The following BRWD3 variants were observed in gnomAD, a reference collection of about 807,000 sequenced individuals.
The protein encoded by BRWD3 is bromodomain and WD repeat-containing protein 3.
In BRWD3, 10 loss-of-function variants were observed where a neutral mutation model predicts 149.7. That is an observed-to-expected ratio of 0.07 (90% CI 0.04 to 0.11). BRWD3 has a LOEUF of 0.11. Ranked by LOEUF, BRWD3 falls within the 10% of genes least tolerant of loss-of-function variation. The pLI is 1.00. For synonymous variants in BRWD3, 504 were observed against 456.7 expected, an observed-to-expected ratio of 1.10 and a Z score of -1.32; for missense variants, 940 against 1,373.2, an observed-to-expected ratio of 0.68 and a Z score of 4.99.
chrX:80,722,735 G>C lies in BRWD3; in HGVS notation c.1703C>G (p.Ala568Gly). 1 of 1,210,736 alleles carries C rather than the reference G, an allele frequency of 8.3e-7. No homozygotes were observed. Among genetic ancestry groups the C allele is most frequent in the Non-Finnish European group, 1.1e-6 (1 of 894,727 alleles). Residue 568 changes from alanine to glycine, a missense_variant, in exon 17 of 41, where the codon GCC becomes GGC. Ala to Gly is a moderately conservative substitution (Grantham distance 60). This residue lies in a region of BRWD3 where 209 missense variants were observed against 396.8 expected (regional missense o/e 0.53). Transcript: ENST00000373275. The stretch of plus-strand genomic sequence containing the variant: ...TTGTTCATCCAATACATAGTTATTG[G>C]CATCACGAATAAGAGGACGATAATC... ...HTDYRPLIRD[A>G]NNYVLDEQTQ...
At chrX:80,714,854 G>A (rs1425724429) in intron 20 of BRWD3, among the ~76,000 whole-genome samples, 1 of 112,036 alleles carries the variant, frequency 8.9e-6, no homozygotes, top group Non-Finnish European at 1.9e-5. Flanking sequence ...GAGTAACTAT[G>A]GATAACTTAC....
In BRWD3 at chrX:80,763,488, TAAG is replaced by T. The variant is rs1235360112; in HGVS notation, c.431-17762_431-17760del. On this transcript the variant is annotated intron_variant, in intron 6 of 40. Coordinates refer to ENST00000373275, the MANE Select transcript of BRWD3 (RefSeq NM_153252.5). ...AACAAAAGTGGGATAGAATAGGCCC[TAAG>T]AAGATGTTTAAAAACTACTAGAAAT... 1.6e-4 allele frequency among the ~76,000 whole-genome samples: 18 copies of T among 111,804 alleles called. 1 individual carries two copies. The highest frequency in any genetic ancestry group is 5.5e-4 in the African/African-American group (17 of 30,823).
chrX:80,738,369 G>A (rs959971930), intron 8 of BRWD3, among the ~76,000 whole-genome samples: 2 of 111,496 alleles, frequency 1.8e-5, no homozygotes, highest in Admixed American at 9.6e-5. Flanking sequence ...CAAAACTTAG[G>A]AAATGTGGAA....
At chrX:80,709,149 C>T (rs1465822527) in intron 21 of BRWD3, among the ~76,000 whole-genome samples, 2 of 110,882 alleles carry the variant, frequency 1.8e-5, no homozygotes, top group East Asian at 5.7e-4. Flanking sequence ...CATTTATAGG[C>T]TGATTTCCTC....
intron 6 of BRWD3, among the ~76,000 whole-genome samples, chrX:80,787,363 G>A (rs1420789306): frequency 2.7e-5 from 3 of 111,620 alleles, no homozygotes; most frequent in Non-Finnish European, 5.6e-5. Context: ...TTGAGAAGCT[G>A]ATTCTAAAAT....
At chrX:80,809,382 C>G in intron 1 of BRWD3, 59 bp downstream of exon 1, 1 of 1,136,469 alleles carries the variant, frequency 8.8e-7, no homozygotes, top group Admixed American at 2.7e-5. Flanking sequence ...AAACTGACAG[C>G]CTTCGCGCTA....
chrX:80,725,207 A>G (rs2073199961), intron 14 of BRWD3, 140 bp from the exon 15 acceptor site: 1 of 633,454 alleles, frequency 1.6e-6, no homozygotes, highest in Non-Finnish European at 2.5e-6. Context: ...CATGGATACT[A>G]CATGAACAAT....
intron 7 of BRWD3, among the ~76,000 whole-genome samples, chrX:80,745,079 T>C (rs1462615933): frequency 9.0e-6 from 1 of 111,615 alleles, no homozygotes; most frequent in Non-Finnish European, 1.9e-5. Context: ...CAGTATTATC[T>C]GCTTAATAAA....
At chrX:80,692,782 G>A (rs1470578432) in intron 28 of BRWD3, among the ~76,000 whole-genome samples, 158 bp downstream of exon 28, 1 of 111,870 alleles carries the variant, frequency 8.9e-6, no homozygotes, top group Non-Finnish European at 1.9e-5. Flanking sequence ...AACAAGGGAA[G>A]AACTGAGCAT....
Position 80,750,893 on chromosome X carries a change from C to CACAT in BRWD3, c.431-5165_431-5164insATGT, listed in dbSNP as rs1555977578. Among the ~76,000 whole-genome samples the CACAT allele has an allele frequency of 1.8e-3, 193 of 107,131 alleles. 1 individual carries two copies. Among genetic ancestry groups the CACAT allele is most frequent in the African/African-American group, 6.0e-3 (176 of 29,425 alleles). 93.0% of individuals were successfully genotyped at this position (107,131 alleles called of 115,157 possible). Reference sequence around the variant, plus strand: ...ACACACACACACACACACACACACACGCAAAAATCATTAAGTCTTATAAAG... The same window carrying CACAT: ...ACACACACACACACACACACACACACACATGCAAAAATCATTAAGTCTTATAAAG... On this transcript the variant is annotated intron_variant, in intron 6 of 40. Coordinates refer to ENST00000373275, the MANE Select transcript of BRWD3 (RefSeq NM_153252.5).
rs951520419 is a variant in BRWD3, at chrX:80,745,569, T to C, written c.591A>G (p.Thr197=). Residue 197 remains threonine, a splice_region_variant and synonymous_variant, in exon 7 of 41, where the codon ACA becomes ACG. Transcript: ENST00000373275. Reference sequence around the variant, plus strand: ...ACCATATTATAAATTTTACACTCACTGTAAAAATTCTTCTCCCGCTTCGGT... The same window carrying C: ...ACCATATTATAAATTTTACACTCACCGTAAAAATTCTTCTCCCGCTTCGGT... ...AFDRSGRRIF[T]GSDDCLVKIW... 2 of 1,204,221 alleles carry C rather than the reference T, an allele frequency of 1.7e-6. No individual in the cohort carries two copies. Among genetic ancestry groups the C allele is most frequent in the African/African-American group, 3.5e-5 (2 of 56,868 alleles).
At chrX:80,680,910 C>T (rs749813087) in intron 40 of BRWD3, among the ~76,000 whole-genome samples, 2 of 108,330 alleles carry the variant, frequency 1.8e-5, no homozygotes, top group African/African-American at 6.7e-5. Context: ...CTGGCTAAAG[C>T]GCTCCTCCCA....
chrX:80,745,425 T>G (rs1699910534), intron 7 of BRWD3, 144 bp downstream of exon 7: 2 of 492,080 alleles, frequency 4.1e-6, no homozygotes, highest in Admixed American at 4.3e-5. Context: ...AATGAGAAAC[T>G]TTTTTCAATT....
intron 4 of BRWD3, among the ~76,000 whole-genome samples, chrX:80,797,969 C>T (rs1055415573): frequency 1.8e-5 from 2 of 110,338 alleles, no homozygotes; most frequent in African/African-American, 6.6e-5. Context: ...GTTGTAAGCG[C>T]CTGTAGTCCC....
chrX:80,794,651 C>T (rs1356159030), intron 4 of BRWD3, among the ~76,000 whole-genome samples: 1 of 109,843 alleles, frequency 9.1e-6, no homozygotes, highest in African/African-American at 3.3e-5. Context: ...ATTTAAGAAA[C>T]AGTCACAAAA....
intron 6 of BRWD3, among the ~76,000 whole-genome samples, chrX:80,781,576 G>C (rs1461411546): frequency 9.0e-6 from 1 of 110,830 alleles, no homozygotes; most frequent in Non-Finnish European, 1.9e-5. Flanking sequence ...TGCTGAACTG[G>C]GGCATAGTAG....
intron 4 of BRWD3, among the ~76,000 whole-genome samples, chrX:80,802,323 TC>T (rs1381806312): frequency 9.3e-6 from 1 of 107,673 alleles, no homozygotes; most frequent in African/African-American, 3.4e-5. Flanking sequence ...ACGCCTATAA[TC>T]CCAGCTACTT....
intron 20 of BRWD3, among the ~76,000 whole-genome samples, chrX:80,712,454 A>C (rs1219325128): frequency 8.2e-5 from 9 of 110,360 alleles, no homozygotes; most frequent in Admixed American, 3.8e-4. Context: ...CTCAGTGCTC[A>C]ATGGTGCCCA....
intron 19 of BRWD3, 91 bp from the exon 20 acceptor site, chrX:80,716,341 A>G: frequency 1.4e-6 from 1 of 729,774 alleles, no homozygotes; most frequent in Non-Finnish European, 2.1e-6. Context: ...TTAAACATAT[A>G]ATTTGCCACT....
Sources: gnomAD v4.1 joint callset for allele counts (sites outside exome capture counted in the v4.1 genomes callset) on GRCh38, gnomAD v4.1.1 for gene constraint, gnomAD v4.1.1 regional missense constraint, MANE v1.5 for transcripts, NCBI Gene and HGNC (gene_info 2026-07-23, HGNC 2026-07-21) for gene names.